Variants in FAT2 observed in about 807,000 individuals in gnomAD.
The protein encoded by FAT2 is protocadherin Fat 2.
A neutral mutation model predicts 295.3 loss-of-function variants in FAT2; 150 were observed. The observed-to-expected ratio is 0.51, with a 90% confidence interval of 0.44 to 0.58. FAT2 has a LOEUF of 0.58. Among genes scored for constraint, FAT2 ranks in the 20% least tolerant of loss-of-function variants. The pLI is 0.00. For synonymous variants in FAT2, 2,026 were observed against 2,150.3 expected (o/e 0.94, Z 1.60); for missense variants, 4,868 against 5,442.7 (o/e 0.89, Z 3.32).
rs2127650035 is a variant in FAT2, at chr5:151,568,415, T to A, written c.517A>T (p.Thr173Ser). The A allele has an allele frequency of 6.2e-7, 1 of 1,614,210 alleles. No individual in the cohort carries two copies. Reference protein sequence around the residue: ...LKSPICKVTATDADLGQNAEF... With the variant: ...LKSPICKVTASDADLGQNAEF... ...GCATTCTGGCCTAGATCAGCATCTGTGGCAGTCACCTTGCAGATGGGGCTC... is the reference window on the plus strand; with the variant it reads ...GCATTCTGGCCTAGATCAGCATCTGAGGCAGTCACCTTGCAGATGGGGCTC... Residue 173 changes from threonine (T) to serine (S), a missense_variant, in exon 2 of 24, where the codon ACA (threonine) becomes TCA (serine). Coordinates refer to ENST00000261800, the MANE Select transcript of FAT2 (RefSeq NM_001447.3).
chr5:151,529,347 T>G lies in FAT2; in HGVS notation c.9857A>C (p.Lys3286Thr), dbSNP rs747140027. The G allele has an allele frequency of 1.9e-6, 3 of 1,614,126 alleles. No homozygotes were observed. The highest frequency in any genetic ancestry group is 1.1e-5 in the South Asian group (1 of 91,082). Residue 3286 changes from lysine (K) to threonine (T), a missense_variant, in exon 15 of 24, where the codon AAG (lysine) becomes ACG (threonine). By Grantham distance (78) the Lys-to-Thr change is moderately conservative. Transcript: ENST00000261800. ...NASLDFETSPKYFLSIECSRK... is the reference protein window; with the variant it reads ...NASLDFETSPTYFLSIECSRK... ...GCTGCACTCAATGGACAGGAAGTAC[T>G]TGGGGCTTGTCTCAAAGTCCAGGCT...
chr5:151,542,925 G>T lies in FAT2; in HGVS notation c.8202C>A (p.Ser2734Arg). 1 of 1,614,190 alleles carries T rather than the reference G, an allele frequency of 6.2e-7. No individual in the cohort carries two copies. Among genetic ancestry groups the T allele is most frequent in the South Asian group, 1.1e-5 (1 of 91,086 alleles). ...YSLVRGTTPE[S>R]NKDGVFSLDP... ...CTAGGGAGAAGACACCATCCTTGTT[G>T]CTCTCAGGTGTAGTGCCCCGCACTA... The change falls in exon 10 of 24, where the codon AGC becomes AGA. Residue 2734 changes from serine to arginine, a missense_variant. Coordinates refer to ENST00000261800, the MANE Select transcript of FAT2 (RefSeq NM_001447.3).
intron 12 of FAT2, 28 bp from the exon 13 acceptor site, chr5:151,534,670 C>G: frequency 1.3e-6 from 2 of 1,583,624 alleles, no homozygotes; most frequent in African/African-American, 2.7e-5. Flanking sequence ...AAAAGTTGAG[C>G]TTTCTCTGGG....
chr5:151,529,478 A>G, intron 14 of FAT2, 86 bp from the exon 15 acceptor site: 1 of 1,159,470 alleles, frequency 8.6e-7, no homozygotes, highest in Non-Finnish European at 1.3e-6. Flanking sequence ...GCCCTAGGAG[A>G]GGCAGCTCAA....
intron 19 of FAT2, among the ~76,000 whole-genome samples, chr5:151,518,952 T>TA (rs1436428150): frequency 6.6e-6 from 1 of 152,170 alleles, no homozygotes; most frequent in Non-Finnish European, 1.5e-5. Flanking sequence ...GTCCAGCCTC[T>TA]AGATACCTAG....
Position 151,529,383 on chromosome 5 carries a change from T to C in FAT2, c.9821A>G (p.Tyr3274Cys). The C allele has an allele frequency of 6.2e-7, 1 of 1,613,668 alleles. No homozygotes were observed. The highest frequency in any genetic ancestry group is 8.5e-7 in the Non-Finnish European group (1 of 1,179,952). Residue 3274 changes from tyrosine to cysteine, a missense_variant, in exon 15 of 24, where the codon TAT becomes TGT. Coordinates refer to ENST00000261800, the MANE Select transcript of FAT2 (RefSeq NM_001447.3). ...CTCAAAGTCCAGGCTTGCGTTGACA[T>C]ACAGGATCCCTGAAGAAGCAAGAGG... ...FRLDARTGIL[Y>C]VNASLDFETS...
At chr5:151,547,253 A>G (rs1025881317) in intron 9 of FAT2, among the ~76,000 whole-genome samples, 2 of 152,238 alleles carry the variant, frequency 1.3e-5, no homozygotes, top group African/African-American at 2.4e-5. Context: ...CCTGTGAGCT[A>G]TCCTCTTTCT....
rs748805505 is a variant in FAT2, at chr5:151,546,162, C to T, written c.4965G>A (p.Arg1655=). Residue 1655 remains arginine (R), a synonymous_variant, in exon 10 of 24, where the codon AGG becomes AGA. Coordinates refer to ENST00000261800, the MANE Select transcript of FAT2 (RefSeq NM_001447.3). ...TVIIHVYPSD[R]SAPIFSKSEY... ...CAGATTTTGAAAAGATGGGGGCACT[C>T]CTATCTGAGGGATAGACATGAATGA... 18 of 1,614,024 alleles carry T rather than the reference C, an allele frequency of 1.1e-5. No homozygotes were observed. Among genetic ancestry groups the T allele is most frequent in the Admixed American group, 5.0e-5 (3 of 59,998 alleles).
Position 151,527,382 on chromosome 5 carries a change from T to A in FAT2, c.10165-5A>T. On this transcript the variant is annotated splice_region_variant and splice_polypyrimidine_tract_variant and intron_variant, in intron 16 of 23. Coordinates refer to ENST00000261800, the MANE Select transcript of FAT2 (RefSeq NM_001447.3). Reference sequence around the variant, plus strand: ...CTTCAGGGAATAACTAGAGGCCTATTGCAAAATGTCCAGTGGAGGTTAGCA... The same window carrying A: ...CTTCAGGGAATAACTAGAGGCCTATAGCAAAATGTCCAGTGGAGGTTAGCA... 6.3e-7 allele frequency: 1 copy of A among 1,597,840 alleles called. No homozygotes were observed. Among genetic ancestry groups the A allele is most frequent in the South Asian group, 1.1e-5 (1 of 89,312 alleles).
At chr5:151,550,525 A>C (rs1757096458) in intron 8 of FAT2, 65 bp downstream of exon 8, 1 of 1,549,482 alleles carries the variant, frequency 6.5e-7, no homozygotes, top group Non-Finnish European at 8.8e-7. Context: ...GCATGTCTCC[A>C]AGCATGTCCA....
At chr5:151,537,340 A>T (rs1393075527) in intron 12 of FAT2, among the ~76,000 whole-genome samples, 3 of 134,772 alleles carry the variant, frequency 2.2e-5, no homozygotes, top group Non-Finnish European at 3.4e-5. Context: ...AAAGAAAAGA[A>T]AAGAAAAGAA....
In FAT2 at chr5:151,544,088, C is replaced by T; in HGVS notation, c.7039G>A (p.Val2347Met). 6.2e-7 allele frequency: 1 copy of T among 1,614,222 alleles called. No homozygotes were observed. The highest frequency in any genetic ancestry group is 8.5e-7 in the Non-Finnish European group (1 of 1,180,028). ...LDYEAQQHFHVKVRAMDKGDP... is the reference protein window; with the variant it reads ...LDYEAQQHFHMKVRAMDKGDP... ...CCTTTATCCATGGCCCTGACTTTCA[C>T]ATGAAAGTGTTGTTGGGCTTCATAA... Residue 2347 changes from valine (V) to methionine (M), a missense_variant, in exon 10 of 24, where the codon GTG becomes ATG. Transcript: ENST00000261800.
Position 151,544,936 on chromosome 5 carries a change from T to C in FAT2, c.6191A>G (p.Asn2064Ser). 6.2e-7 allele frequency: 1 copy of C among 1,614,156 alleles called. No individual in the cohort carries two copies. The highest frequency in any genetic ancestry group is 8.5e-7 in the Non-Finnish European group (1 of 1,180,026). Residue 2064 changes from asparagine to serine, a missense_variant, in exon 10 of 24, where the codon AAT (asparagine) becomes AGT (serine). Physicochemically the swap from Asn to Ser is conservative, Grantham distance 46. Coordinates refer to ENST00000261800, the MANE Select transcript of FAT2 (RefSeq NM_001447.3). The part of the protein sequence containing the change: ...GLVRVSIEDV[N>S]DNPPKFKHLP... Reference sequence around the variant, plus strand: ...ATGCTTAAATTTGGGGGGATTGTCATTGACATCCTCAATAGAGACTCTGAC... The same window carrying C: ...ATGCTTAAATTTGGGGGGATTGTCACTGACATCCTCAATAGAGACTCTGAC...
chr5:151,534,033 A>G (rs10875565), intron 13 of FAT2, among the ~76,000 whole-genome samples: 76,575 of 151,876 alleles, frequency 0.5, 20,493 homozygotes, highest in East Asian at 0.89. Flanking sequence ...TGGGGTTGGT[A>G]CCCAAAATTC....
Position 151,531,571 on chromosome 5 carries a change from T to C in FAT2, c.9811+16A>G, listed in dbSNP as rs1754607211. The stretch of plus-strand genomic sequence containing the variant: ...CTGTACGCGATGCTTTGGGGCTTGG[T>C]GGATCAGGCTCTCACCTGTGCGAGC... On this transcript the variant is annotated intron_variant, in intron 14 of 23. Coordinates refer to ENST00000261800, the MANE Select transcript of FAT2 (RefSeq NM_001447.3). This position sits in a 1 kb window ranked among gnomAD's most constrained non-coding sequence, Gnocchi z 5.7. The C allele has an allele frequency of 6.2e-7, 1 of 1,611,480 alleles. No individual in the cohort carries two copies. The highest frequency in any genetic ancestry group is 1.1e-5 in the South Asian group (1 of 90,862).
intron 2 of FAT2, 95 bp from the exon 3 acceptor site, chr5:151,563,734 A>C: frequency 3.2e-6 from 3 of 932,206 alleles, no homozygotes; most frequent in Non-Finnish European, 1.7e-6. Flanking sequence ...CGCACTGTGG[A>C]AAGGGTATTA....
rs1757130928 is a variant in FAT2 at position 151,550,833 on chromosome 5, C to T, written c.4335G>A (p.Arg1445=). Residue 1445 remains arginine (R), a synonymous_variant, in exon 8 of 24, where the codon CGG becomes CGA. Coordinates refer to ENST00000261800, the MANE Select transcript of FAT2 (RefSeq NM_001447.3). ...IFMIANINHH[R]PQFLETRYEV... ...CATAACGAGTTTCCAGAAACTGGGGCCGATGGTGGTTAATGTTGGCAATCA... is the reference window on the plus strand; with the variant it reads ...CATAACGAGTTTCCAGAAACTGGGGTCGATGGTGGTTAATGTTGGCAATCA... 1.2e-6 allele frequency: 2 copies of T among 1,613,478 alleles called. No individual in the cohort carries two copies.
At chr5:151,511,926 C>T (rs1761353171) in intron 21 of FAT2, 1 of 551,388 alleles carries the variant, frequency 1.8e-6, no homozygotes, top group Non-Finnish European at 3.2e-6. Flanking sequence ...CTGAGGTCCC[C>T]ATTCATATCC....
chr5:151,567,206 C>G lies in FAT2; in HGVS notation c.1726G>C (p.Asp576His). ...ATTATCGATTTCCCTACTGGCCAGTCTTGGCGGATAGACCCTGTACAGTTG... is the reference window on the plus strand; with the variant it reads ...ATTATCGATTTCCCTACTGGCCAGTGTTGGCGGATAGACCCTGTACAGTTG... ...EVNCTGSIRQ[D>H]WPVGKSIMTM... The change falls in exon 2 of 24, where the codon GAC becomes CAC. Residue 576 changes from aspartate (D) to histidine (H), a missense_variant. By Grantham distance (81) the Asp-to-His change is moderately conservative. This residue lies in a region of FAT2 where 3,297 missense variants were observed against 3,669.4 expected (regional missense o/e 0.90). Transcript: ENST00000261800. 6.2e-7 allele frequency: 1 copy of G among 1,614,198 alleles called. No homozygotes were observed. The highest frequency in any genetic ancestry group is 1.1e-5 in the South Asian group (1 of 91,086).
Sources: gnomAD v4.1 joint callset for allele counts (sites outside exome capture counted in the v4.1 genomes callset) on GRCh38, gnomAD v4.1.1 for gene constraint, gnomAD v4.1.1 regional missense constraint, Gnocchi (gnomAD v3.1) non-coding constraint, MANE v1.5 for transcripts, NCBI Gene and HGNC (gene_info 2026-07-23, HGNC 2026-07-21) for gene names.